Variants in RGS8 observed in about 807,000 individuals in gnomAD.
The protein encoded by RGS8 is regulator of G-protein signaling 8.
A neutral mutation model predicts 21.7 loss-of-function variants in RGS8; 8 were observed. That is an observed-to-expected ratio of 0.37 (90% CI 0.22 to 0.66). The LOEUF is 0.66. RGS8 is among the 30% of genes least tolerant of loss of function. The pLI is 0.59. For missense variants in RGS8, 157 were observed against 217.9 expected (o/e 0.72, Z 1.76); for synonymous variants, 80 against 83.6 (o/e 0.96, Z 0.24).
At chr1:182,691,970 AC>A in the RGS8 span, among the ~76,000 whole-genome samples, 13 of 152,172 alleles carry the variant, frequency 8.5e-5, no homozygotes, top group African/African-American at 3.1e-4. Flanking sequence ...GTTTCAGGAT[AC>A]AAAATCAATG....
intron 3 of RGS8, among the ~76,000 whole-genome samples, chr1:182,668,843 C>A (rs1244000094): frequency 6.6e-6 from 1 of 152,194 alleles, no homozygotes; most frequent in African/African-American, 2.4e-5. Context: ...GATTGAGGGC[C>A]CTCGAGTCAT....
chr1:182,737,648 T>C, the RGS8 span, among the ~76,000 whole-genome samples: 2 of 152,034 alleles, frequency 1.3e-5, no homozygotes, highest in African/African-American at 4.8e-5. Flanking sequence ...GAACTATGAG[T>C]CCATCAAATC....
chr1:182,723,411 C>T, the RGS8 span, among the ~76,000 whole-genome samples: 12 of 152,182 alleles, frequency 7.9e-5, no homozygotes, highest in African/African-American at 2.9e-4. Context: ...GCCTCAGCTC[C>T]TTACTACATG....
chr1:182,664,997 C>T (rs986694858), intron 5 of RGS8, among the ~76,000 whole-genome samples: 3 of 152,192 alleles, frequency 2.0e-5, no homozygotes, highest in African/African-American at 7.2e-5. Context: ...GAGTCAAAAT[C>T]AAGAACGCAG....
At chr1:182,677,782 A>T (rs1664412275), upstream of RGS8, among the ~76,000 whole-genome samples, 3 of 152,176 alleles carry the variant, frequency 2.0e-5, no homozygotes, top group African/African-American at 7.2e-5. Flanking sequence ...AAGAAATTTC[A>T]AAGTTAAATT....
chr1:182,659,701 G>A (rs771624688), intron 5 of RGS8, among the ~76,000 whole-genome samples: 4 of 152,004 alleles, frequency 2.6e-5, no homozygotes, highest in South Asian at 2.1e-4. Flanking sequence ...TCCGTACCCC[G>A]CCCCCTGGAA....
chr1:182,659,889 A>C (rs568808444), intron 5 of RGS8, among the ~76,000 whole-genome samples: 1 of 152,074 alleles, frequency 6.6e-6, no homozygotes, highest in African/African-American at 2.4e-5. Flanking sequence ...GAATTCCCTC[A>C]CATGCATGGG....
chr1:182,723,765 T>C, the RGS8 span, among the ~76,000 whole-genome samples: 1 of 152,132 alleles, frequency 6.6e-6, no homozygotes, highest in African/African-American at 2.4e-5. Flanking sequence ...ATTTTTTAAG[T>C]GTATATAAAT....
At chr1:182,727,630 C>A in the RGS8 span, among the ~76,000 whole-genome samples, 1 of 152,160 alleles carries the variant, frequency 6.6e-6, no homozygotes, top group South Asian at 2.1e-4. Context: ...TTTTCGAACA[C>A]CAAATAATTC....
At chr1:182,745,110 CTTCCT>C in the RGS8 span, among the ~76,000 whole-genome samples, 7 of 152,316 alleles carry the variant, frequency 4.6e-5, no homozygotes, top group African/African-American at 1.7e-4. Context: ...CTTCAGAAAG[CTTCCT>C]TTCAAGAATT....
chr1:182,707,990 G>C, the RGS8 span, among the ~76,000 whole-genome samples: 29 of 152,272 alleles, frequency 1.9e-4, no homozygotes, highest in African/African-American at 7.0e-4. Flanking sequence ...ACAGGCATTA[G>C]ATGCTAAGCT....
chr1:182,657,841 C>G (rs569563791), intron 5 of RGS8, among the ~76,000 whole-genome samples: 1 of 152,194 alleles, frequency 6.6e-6, no homozygotes, highest in African/African-American at 2.4e-5. Flanking sequence ...ATTCCTTGTA[C>G]TTCAGTGGCT....
upstream of RGS8, among the ~76,000 whole-genome samples, chr1:182,675,777 T>C (rs960664488): frequency 6.6e-6 from 1 of 152,170 alleles, no homozygotes; most frequent in African/African-American, 2.4e-5. Flanking sequence ...AGCACCACCT[T>C]GCTGTAAGGC....
At chr1:182,680,000 C>A (rs1307781994) in intron 1 of RGS8, among the ~76,000 whole-genome samples, 1 of 152,072 alleles carries the variant, frequency 6.6e-6, no homozygotes, top group African/African-American at 2.4e-5. Flanking sequence ...CTGATTAAAT[C>A]TTTCATAGTT....
the RGS8 span, among the ~76,000 whole-genome samples, chr1:182,737,764 C>T: frequency 0.016 from 2,484 of 152,160 alleles, 82 homozygotes; most frequent in African/African-American, 0.057. Flanking sequence ...AGAGAATAGG[C>T]CCTCTTATCT....
intron 1 of RGS8, among the ~76,000 whole-genome samples, chr1:182,681,148 C>T (rs1664523263): frequency 6.6e-6 from 1 of 152,088 alleles, no homozygotes; most frequent in Admixed American, 6.5e-5. Context: ...AGCCCCACAC[C>T]CAGTGGGGAG....
chr1:182,706,141 C>A, the RGS8 span, among the ~76,000 whole-genome samples: 1 of 152,012 alleles, frequency 6.6e-6, no homozygotes, highest in Non-Finnish European at 1.5e-5. Context: ...CACTACTACG[C>A]CCAGCTCATT....
the RGS8 span, among the ~76,000 whole-genome samples, chr1:182,690,520 C>A: frequency 1.2e-4 from 18 of 152,294 alleles, no homozygotes; most frequent in African/African-American, 3.9e-4. Flanking sequence ...TCCCTTTGGG[C>A]GAGTCATTTA....
the RGS8 span, among the ~76,000 whole-genome samples, chr1:182,739,917 C>G: frequency 2.0e-5 from 3 of 152,292 alleles, no homozygotes; most frequent in African/African-American, 7.2e-5. Context: ...GGCTTTTCGT[C>G]CCTACCCATA....
Sources: allele counts gnomAD v4.1 joint callset (sites outside exome capture counted in the v4.1 genomes callset), GRCh38; gene constraint gnomAD v4.1.1; transcripts MANE v1.5; gene names NCBI Gene and HGNC (gene_info 2026-07-23, HGNC 2026-07-21).